The following ERBB4 variants were observed in gnomAD, a reference collection of about 807,000 sequenced individuals.
ERBB4 encodes the protein receptor tyrosine-protein kinase erbB-4.
ERBB4 carries 42 observed loss-of-function variants against 158.0 expected under a neutral mutation model. The ratio of observed to expected loss-of-function variants is 0.27; its 90% CI spans 0.21 to 0.34. ERBB4 has a LOEUF of 0.34. ERBB4 is among the 10% of genes least tolerant of loss of function. The pLI is 1.00. For synonymous variants in ERBB4, 583 were observed against 558.7 expected, an observed-to-expected ratio of 1.04 and a Z score of -0.61; for missense variants, 1,333 against 1,624.1, an observed-to-expected ratio of 0.82 and a Z score of 3.08.
chr2:211,917,706 T>G (rs755086042), intron 3 of ERBB4, among the ~76,000 whole-genome samples: 14 of 152,108 alleles, frequency 9.2e-5, no homozygotes, highest in Non-Finnish European at 2.1e-4. Flanking sequence ...ATGGGATGGT[T>G]TGAAGACCAG....
chr2:212,321,148 T>C (rs1235577187), intron 1 of ERBB4, among the ~76,000 whole-genome samples: 20 of 150,362 alleles, frequency 1.3e-4, no homozygotes. Context: ...CTTTTACTAA[T>C]ACTGTAACAT....
At chr2:211,729,742 C>A (rs939600743) in intron 5 of ERBB4, among the ~76,000 whole-genome samples, 3 of 151,824 alleles carry the variant, frequency 2.0e-5, no homozygotes, top group Non-Finnish European at 3.0e-5. Flanking sequence ...ATAAGTCAGC[C>A]TCTATAGGAA....
chr2:211,470,107 T>TA (rs34750261), intron 20 of ERBB4, among the ~76,000 whole-genome samples: 38 of 150,846 alleles, frequency 2.5e-4, no homozygotes, highest in African/African-American at 8.7e-4. Context: ...ATTTCTCGCT[T>TA]AAAAAAAAAG....
chr2:211,427,309 C>CA (rs542265089), intron 22 of ERBB4, among the ~76,000 whole-genome samples: 1 of 151,860 alleles, frequency 6.6e-6, no homozygotes, highest in Non-Finnish European at 1.5e-5. Flanking sequence ...ATCTCACCAC[C>CA]ACCCTTTTAT....
At chr2:212,122,130 T>C (rs1319485022) in intron 2 of ERBB4, among the ~76,000 whole-genome samples, 2 of 151,492 alleles carry the variant, frequency 1.3e-5, no homozygotes, top group African/African-American at 2.4e-5. Flanking sequence ...ACATAATTTA[T>C]CATATATGTA....
intron 1 of ERBB4, among the ~76,000 whole-genome samples, chr2:212,266,560 A>T (rs531890634): frequency 1.4e-4 from 22 of 152,100 alleles, no homozygotes; most frequent in Non-Finnish European, 2.8e-4. Context: ...GCTGCTAAGA[A>T]GAATGCTTTC....
At chr2:212,401,800 C>CTTTT (rs2091214181) in intron 1 of ERBB4, among the ~76,000 whole-genome samples, 1 of 151,814 alleles carries the variant, frequency 6.6e-6, no homozygotes, top group Non-Finnish European at 1.5e-5. Flanking sequence ...ACTAAAAGGC[C>CTTTT]ACAAACATAA....
At chr2:212,145,603 A>C (rs1011798922) in intron 1 of ERBB4, among the ~76,000 whole-genome samples, 1 of 152,098 alleles carries the variant, frequency 6.6e-6, no homozygotes, top group African/African-American at 2.4e-5. Flanking sequence ...TTTAGACTTA[A>C]GAGTCACCCA....
chr2:212,271,539 A>T (rs532269394), intron 1 of ERBB4, among the ~76,000 whole-genome samples: 17 of 151,914 alleles, frequency 1.1e-4, no homozygotes, highest in African/African-American at 4.1e-4. Flanking sequence ...TATTAAAATT[A>T]ATCTTTCAAA....
intron 2 of ERBB4, among the ~76,000 whole-genome samples, chr2:212,046,886 C>T (rs1423919058): frequency 2.0e-5 from 3 of 152,090 alleles, no homozygotes; most frequent in Non-Finnish European, 4.4e-5. Flanking sequence ...CTTTGCTTAA[C>T]CTTGTGGAAT....
chr2:212,285,494 T>C (rs1232659606), intron 1 of ERBB4, among the ~76,000 whole-genome samples: 1 of 151,886 alleles, frequency 6.6e-6, no homozygotes. Context: ...TTTGCCATAA[T>C]GACAAAATTC....
chr2:212,308,193 AATAGGT>A (rs2086885798), intron 1 of ERBB4, among the ~76,000 whole-genome samples: 1 of 151,162 alleles, frequency 6.6e-6, no homozygotes, highest in East Asian at 2.0e-4. Context: ...TCTGGCATGT[AATAGGT>A]ATTAAATATT....
intron 1 of ERBB4, among the ~76,000 whole-genome samples, chr2:212,448,597 TGAAA>T (rs903880226): frequency 5.3e-5 from 8 of 152,070 alleles, no homozygotes; most frequent in African/African-American, 1.7e-4. Flanking sequence ...AAGGAAATAA[TGAAA>T]GAAAGAAGCA....
intron 19 of ERBB4, among the ~76,000 whole-genome samples, chr2:211,571,865 A>G (rs2067738773): frequency 6.6e-6 from 1 of 152,202 alleles, no homozygotes; most frequent in Non-Finnish European, 1.5e-5. Context: ...TAAAATAGAT[A>G]CTACTGGATT....
At chr2:211,427,398 C>T (rs1380078754) in intron 22 of ERBB4, among the ~76,000 whole-genome samples, 7 of 152,030 alleles carry the variant, frequency 4.6e-5, no homozygotes, top group Non-Finnish European at 1.0e-4. Flanking sequence ...CGTATTGACT[C>T]CTTCTTGGTA....
intron 1 of ERBB4, among the ~76,000 whole-genome samples, chr2:212,204,759 C>T (rs190047389): frequency 6.8e-6 from 1 of 148,018 alleles, no homozygotes; most frequent in East Asian, 2.0e-4. Flanking sequence ...AGATTAACAT[C>T]AAGTTGGAAC....
rs1342378618 is a variant in ERBB4, at chr2:211,465,027, G to C, written c.2488-33927C>G. Among the ~76,000 whole-genome samples, 4 of 147,692 alleles carry C rather than the reference G, an allele frequency of 2.7e-5. No individual in the cohort carries two copies. In the East Asian group the frequency reaches 7.9e-4, roughly 29 times the overall value. ...AAGGTCTTCCTCTGCTACCCAGGCT[G>C]CTGGAGTGCTGTGACATGATGATAG... On this transcript the variant is annotated intron_variant, in intron 20 of 27. Transcript: ENST00000342788.
chr2:212,105,756 A>T (rs1319464261), intron 2 of ERBB4, among the ~76,000 whole-genome samples: 1 of 152,198 alleles, frequency 6.6e-6, no homozygotes, highest in African/African-American at 2.4e-5. Context: ...CTTGAATCGT[A>T]GCTCTCACAA....
chr2:212,221,485 G>A lies in ERBB4; in HGVS notation c.83-96582C>T, dbSNP rs2083288786. On this transcript the variant is annotated intron_variant, in intron 1 of 27. Transcript: ENST00000342788. The stretch of plus-strand genomic sequence containing the variant: ...GGCAGCAGTCAGGTTTGGGAATACA[G>A]ACATCTCACTGAGTTTCAGAAAGGT... Among the ~76,000 whole-genome samples the A allele has an allele frequency of 2.6e-5, 4 of 151,436 alleles. No individual in the cohort carries two copies. The South Asian group carries it at 6.2e-4, about 24-fold the overall frequency.
Sources: allele counts gnomAD v4.1 joint callset (sites outside exome capture counted in the v4.1 genomes callset), GRCh38; gene constraint gnomAD v4.1.1; transcripts MANE v1.5; gene names NCBI Gene and HGNC (gene_info 2026-07-23, HGNC 2026-07-21).